GRM3: variants seen among roughly 807,000 people sequenced by gnomAD.
The protein encoded by GRM3 is glutamate metabotropic receptor 3, also known as metabotropic glutamate receptor 3.
GRM3 carries 26 observed loss-of-function variants against 70.5 expected under a neutral mutation model. The ratio of observed to expected loss-of-function variants is 0.37; its 90% CI spans 0.27 to 0.51. The LOEUF is 0.51. GRM3 is among the 20% of genes least tolerant of loss of function. The probability of loss-of-function intolerance (pLI) is 0.93; values close to 1 mark genes in which losing one functional copy is unlikely to be tolerated. For missense variants in GRM3, 859 were observed against 1,123.8 expected (o/e 0.76, Z 3.37); for synonymous variants, 443 against 434.9 (o/e 1.02, Z -0.23).
chr7:86,760,407 A>G (rs1206475145), intron 1 of GRM3, among the ~76,000 whole-genome samples: 1 of 152,142 alleles, frequency 6.6e-6, no homozygotes, highest in Non-Finnish European at 1.5e-5. Context: ...ATGCTTGTTT[A>G]CAGTTGACGC....
chr7:86,733,889 C>G (rs1402031823), intron 1 of GRM3, among the ~76,000 whole-genome samples: 1 of 152,210 alleles, frequency 6.6e-6, no homozygotes, highest in East Asian at 1.9e-4. Flanking sequence ...GAAGCACGAG[C>G]TCATGTAAGT....
chr7:86,687,089 G>GA (rs1794585522), intron 1 of GRM3, among the ~76,000 whole-genome samples: 2 of 151,752 alleles, frequency 1.3e-5, no homozygotes, highest in African/African-American at 4.8e-5. Context: ...GAAAATCTAG[G>GA]AAAAAAGTCA....
At position 86,728,673 on chromosome 7, in the gene GRM3, G is replaced by A. The variant is rs114889414; in HGVS notation, c.-140-36333G>A. On this transcript the variant is annotated intron_variant, in intron 1 of 5. Coordinates refer to ENST00000361669, the MANE Select transcript of GRM3 (RefSeq NM_000840.3). ...TCCTACCACTTTGGAGTACTCAGGT[G>A]TGACTTTCCCCATATGTTTACTGTC... 6.1e-3 allele frequency among the ~76,000 whole-genome samples: 922 copies of A among 152,226 alleles called. 8 individuals are homozygous for A. Among genetic ancestry groups the A allele is most frequent in the African/African-American group, 0.021 (872 of 41,534 alleles).
chr7:86,703,099 G>A (rs1794980958), intron 1 of GRM3, among the ~76,000 whole-genome samples: 1 of 151,920 alleles, frequency 6.6e-6, no homozygotes, highest in Non-Finnish European at 1.5e-5. Flanking sequence ...GACAAAATAT[G>A]TTGGGGTTTT....
intron 4 of GRM3, 119 bp downstream of exon 4, chr7:86,840,024 G>A: frequency 1.5e-6 from 1 of 647,104 alleles, no homozygotes; most frequent in Non-Finnish European, 2.7e-6. Flanking sequence ...CAAATGCCAT[G>A]ATGAGCCTGT....
chr7:86,787,221 A>C, intron 3 of GRM3, 105 bp downstream of exon 3: 2 of 967,112 alleles, frequency 2.1e-6, no homozygotes, highest in South Asian at 3.2e-5. Flanking sequence ...TCAAAGCCAT[A>C]AAAAGGGTTC....
intron 3 of GRM3, 117 bp downstream of exon 3, chr7:86,787,233 A>C (rs1797275472): frequency 1.2e-6 from 1 of 832,954 alleles, no homozygotes; most frequent in African/African-American, 1.7e-5. Context: ...AAAGGGTTCA[A>C]ACTGTTAACC....
intron 1 of GRM3, among the ~76,000 whole-genome samples, chr7:86,695,919 T>C (rs1264312978): frequency 6.6e-6 from 1 of 152,180 alleles, no homozygotes; most frequent in Non-Finnish European, 1.5e-5. Flanking sequence ...ATAAAACTTT[T>C]CATATAAAAA....
intron 1 of GRM3, among the ~76,000 whole-genome samples, chr7:86,669,763 T>A (rs1162906920): frequency 6.6e-6 from 1 of 152,192 alleles, no homozygotes; most frequent in Non-Finnish European, 1.5e-5. Context: ...TCAAACTGCA[T>A]ATTCCTTCAA....
At chr7:86,776,175 TAA>T (rs1796886577) in intron 2 of GRM3, among the ~76,000 whole-genome samples, 1 of 152,176 alleles carries the variant, frequency 6.6e-6, no homozygotes, top group African/African-American at 2.4e-5. Flanking sequence ...ATCAGTGAGT[TAA>T]GTGCTTCATA....
chr7:86,731,002 C>G (rs1246330823), intron 1 of GRM3, among the ~76,000 whole-genome samples: 2 of 152,076 alleles, frequency 1.3e-5, no homozygotes, highest in African/African-American at 4.8e-5. Flanking sequence ...CTGTATGTCC[C>G]CCTCAAATCT....
At chr7:86,861,807 G>A (rs1389033496) in intron 5 of GRM3, among the ~76,000 whole-genome samples, 1 of 152,196 alleles carries the variant, frequency 6.6e-6, no homozygotes, top group Non-Finnish European at 1.5e-5. Context: ...CACTGGAAGT[G>A]CATATGTAGG....
intron 4 of GRM3, among the ~76,000 whole-genome samples, chr7:86,846,621 T>A (rs763448740): frequency 2.6e-5 from 4 of 152,178 alleles, no homozygotes; most frequent in Non-Finnish European, 5.9e-5. Context: ...AGCCAAGGCA[T>A]CAGTCTAGCA....
chr7:86,730,239 G>A (rs1209954984), intron 1 of GRM3, among the ~76,000 whole-genome samples: 1 of 152,112 alleles, frequency 6.6e-6, no homozygotes, highest in Non-Finnish European at 1.5e-5. Context: ...TGGCCAACAT[G>A]GTGAAACCCG....
intron 1 of GRM3, among the ~76,000 whole-genome samples, chr7:86,761,908 A>T (rs1796489661): frequency 6.6e-6 from 1 of 152,150 alleles, no homozygotes; most frequent in African/African-American, 2.4e-5. Context: ...CAGAGAATTA[A>T]GCTTTCTATA....
chr7:86,682,393 G>T (rs1315967346), intron 1 of GRM3, among the ~76,000 whole-genome samples: 5 of 151,894 alleles, frequency 3.3e-5, no homozygotes, highest in African/African-American at 7.3e-5. Flanking sequence ...CAGCTTGTAG[G>T]GTTCCAAGTC....
intron 3 of GRM3, among the ~76,000 whole-genome samples, chr7:86,829,427 A>G (rs551451900): frequency 1.1e-4 from 17 of 152,234 alleles, no homozygotes; most frequent in Non-Finnish European, 1.9e-4. Context: ...AACTTGCTTA[A>G]CTGGTGCAAG....
At chr7:86,695,791 C>T (rs140678170) in intron 1 of GRM3, among the ~76,000 whole-genome samples, 181 of 152,224 alleles carry the variant, frequency 1.2e-3, no homozygotes, top group African/African-American at 4.2e-3. Flanking sequence ...CTAGCTTCCC[C>T]TAAAACTCAC....
At chr7:86,731,327 C>G (rs1795730057) in intron 1 of GRM3, among the ~76,000 whole-genome samples, 2 of 152,152 alleles carry the variant, frequency 1.3e-5, no homozygotes, top group South Asian at 4.1e-4. Flanking sequence ...TGATTTTTCT[C>G]TCTCCTTAGT....
Sources: allele counts gnomAD v4.1 joint callset (sites outside exome capture counted in the v4.1 genomes callset), GRCh38; gene constraint gnomAD v4.1.1; transcripts MANE v1.5; gene names NCBI Gene and HGNC (gene_info 2026-07-23, HGNC 2026-07-21).